Variants in FBXO25 observed in about 807,000 individuals in gnomAD.
FBXO25 encodes the protein F-box protein 25, also known as F-box only protein 25.
Under a neutral mutation model 51.9 loss-of-function variants are expected in FBXO25, and 45 were observed. That is an observed-to-expected ratio of 0.87 (90% CI 0.68 to 1.11). The LOEUF is 1.11. FBXO25 is among the 50% of genes most tolerant of loss of function. The probability of loss-of-function intolerance (pLI) is 0.00; values close to 1 mark genes in which losing one functional copy is unlikely to be tolerated. For missense variants in FBXO25, 507 were observed against 428.5 expected, an observed-to-expected ratio of 1.18 and a Z score of -1.62; for synonymous variants, 199 against 151.0, an observed-to-expected ratio of 1.32 and a Z score of -2.33.
chr8:457,655 A>G (rs577444642), intron 7 of FBXO25, among the ~76,000 whole-genome samples: 4 of 152,218 alleles, frequency 2.6e-5, no homozygotes, highest in Non-Finnish European at 4.4e-5. Flanking sequence ...CTTTACTTCA[A>G]ATTTGCTAAG....
At chr8:412,065 C>A (rs1183370117) in intron 1 of FBXO25, among the ~76,000 whole-genome samples, 1 of 152,220 alleles carries the variant, frequency 6.6e-6, no homozygotes, top group Non-Finnish European at 1.5e-5. Flanking sequence ...GTGGGAAGAA[C>A]TAGCATTTGA....
chr8:410,372 C>T (rs1360057493), intron 1 of FBXO25, among the ~76,000 whole-genome samples: 8 of 151,814 alleles, frequency 5.3e-5, no homozygotes, highest in Non-Finnish European at 1.0e-4. Flanking sequence ...AAATGTTTGT[C>T]GTTGAAGTAA....
In FBXO25 at chr8:468,931, C is replaced by A; in HGVS notation, c.*127C>A. Reference sequence around the variant, plus strand: ...CTGCTTCCAGAAAGCCTGGGAAGAACTGCCCTTCTGCAAAGGGGGGACTGC... The same window carrying A: ...CTGCTTCCAGAAAGCCTGGGAAGAAATGCCCTTCTGCAAAGGGGGGACTGC... On this transcript the variant is annotated 3_prime_UTR_variant, in exon 10 of 10. Coordinates refer to ENST00000350302, the MANE Select transcript of FBXO25 (RefSeq NM_183420.2). The A allele has an allele frequency of 2.5e-6, 2 of 805,444 alleles. No homozygotes were observed. Among genetic ancestry groups the A allele is most frequent in the Non-Finnish European group, 3.8e-6 (2 of 521,690 alleles). 49.9% of individuals were successfully genotyped at this position (805,444 alleles called of 1,614,324 possible). A position where few individuals can be genotyped will look rare whatever the true frequency, so the allele number is the denominator to read the frequency against.
chr8:413,542 A>T (rs1176756085), intron 2 of FBXO25, among the ~76,000 whole-genome samples: 1 of 152,190 alleles, frequency 6.6e-6, no homozygotes, highest in Non-Finnish European at 1.5e-5. Flanking sequence ...GAAATGTAGT[A>T]ATAGTGGCTT....
Position 471,374 on chromosome 8 carries a change from A to G in FBXO25, c.*2570A>G, listed in dbSNP as rs1443638568. On this transcript the variant is annotated 3_prime_UTR_variant, in exon 10 of 10. Coordinates refer to ENST00000350302, the MANE Select transcript of FBXO25 (RefSeq NM_183420.2). ...GATCGGACAACACCAAACAGAGATG[A>G]GAAGAGAAATCATAGATCTCCACTT... 1 of 151,078 alleles carries G rather than the reference A, an allele frequency of 6.6e-6. No individual in the cohort carries two copies. Among genetic ancestry groups the G allele is most frequent in the African/African-American group, 2.4e-5 (1 of 41,196 alleles). The allele number at this position is 151,078 out of a possible 1,614,324, so 9.4% of individuals were successfully genotyped here.
Position 468,733 on chromosome 8 carries a change from A to T in FBXO25, c.1006A>T (p.Thr336Ser). 2 of 1,613,812 alleles carry T rather than the reference A, an allele frequency of 1.2e-6. No homozygotes were observed. The highest frequency in any genetic ancestry group is 2.2e-5 in the South Asian group (2 of 91,062). ...LFWKDSGHPC[T>S]AADPDSCFTP... ...CCCACAGGACTCAGGACACCCCTGC[A>T]CGGCGGCCGACCCTGACAGCTGCTT... The change falls in exon 10 of 10, where the codon ACG (threonine) becomes TCG (serine). Residue 336 changes from threonine to serine, a missense_variant. Coordinates refer to ENST00000350302, the MANE Select transcript of FBXO25 (RefSeq NM_183420.2).
intron 2 of FBXO25, among the ~76,000 whole-genome samples, chr8:415,130 C>T (rs538907249): frequency 1.3e-5 from 2 of 152,330 alleles, no homozygotes; most frequent in South Asian, 4.1e-4. Flanking sequence ...CTTTGAGAAA[C>T]ATAGTACTCC....
At chr8:427,300 T>A (rs2117573242) in intron 2 of FBXO25, among the ~76,000 whole-genome samples, 1 of 151,838 alleles carries the variant, frequency 6.6e-6, no homozygotes, top group East Asian at 1.9e-4. Context: ...GAGGCCAGGG[T>A]GGGAATTATC....
rs752928065 is a variant in FBXO25, at chr8:474,922, C to T, written c.*6118C>T. The T allele has an allele frequency of 6.6e-6, 3 of 451,440 alleles. No individual in the cohort carries two copies. The highest frequency in any genetic ancestry group is 4.4e-6 in the Non-Finnish European group (1 of 226,064). The allele number at this position is 451,440 out of a possible 1,614,324, so 28.0% of individuals were successfully genotyped here. The stretch of plus-strand genomic sequence containing the variant: ...TTTTCAGATATATCATTTTAAAATA[C>T]TTTGTCCCATTCCGTGGATTGCCTT... On this transcript the variant is annotated 3_prime_UTR_variant, in exon 10 of 10. Transcript: ENST00000350302.
intron 1 of FBXO25, among the ~76,000 whole-genome samples, chr8:411,132 A>G (rs561599651): frequency 1.3e-4 from 20 of 152,334 alleles, no homozygotes; most frequent in Admixed American, 1.2e-3. Context: ...TAAATATTCT[A>G]TATTATAAAA....
In FBXO25 at chr8:472,094, C is replaced by G. The variant is rs1482044369; in HGVS notation, c.*3290C>G. 2 of 152,174 alleles carry G rather than the reference C, an allele frequency of 1.3e-5. No individual in the cohort carries two copies. The highest frequency in any genetic ancestry group is 2.4e-5 in the African/African-American group (1 of 41,434). 9.4% of individuals were successfully genotyped at this position (152,174 alleles called of 1,614,324 possible). ...TACCCCGTTTCGCTGGCTAGAATCT[C>G]TAGTACAATGTTGAATAGCAGTGCG... On this transcript the variant is annotated 3_prime_UTR_variant, in exon 10 of 10. Transcript: ENST00000350302.
chr8:446,423 A>G (rs1225271659), intron 5 of FBXO25, among the ~76,000 whole-genome samples: 1 of 152,214 alleles, frequency 6.6e-6, no homozygotes, highest in Non-Finnish European at 1.5e-5. Context: ...TTGGTTATTA[A>G]GCAGTGCTTA....
At position 458,237 on chromosome 8, in the gene FBXO25, C is replaced by G. The variant is rs908106520; in HGVS notation, c.661-132C>G. 1.4e-5 allele frequency: 14 copies of G among 1,012,820 alleles called. No individual in the cohort carries two copies. In the East Asian group the frequency reaches 3.0e-4, roughly 22 times the overall value. The allele number at this position is 1,012,820 out of a possible 1,614,324, so 62.7% of individuals were successfully genotyped here. A position where few individuals can be genotyped will look rare whatever the true frequency, so the allele number is the denominator to read the frequency against. On this transcript the variant is annotated intron_variant, in intron 7 of 9. Coordinates refer to ENST00000350302, the MANE Select transcript of FBXO25 (RefSeq NM_183420.2). ...TGGATGCAGGCCCCTTGACACCTTG[C>G]GACGCATGACATGGAGAGCTCTTTT...
rs1437824657 is a variant in FBXO25 at position 472,714 on chromosome 8, C to G, written c.*3910C>G. On this transcript the variant is annotated 3_prime_UTR_variant, in exon 10 of 10. Coordinates refer to ENST00000350302, the MANE Select transcript of FBXO25 (RefSeq NM_183420.2). The stretch of plus-strand genomic sequence containing the variant: ...TCAATTATCCTTTAAGAGGATAAGA[C>G]CATTTTCTCCAGAGATGCCTTTTAA... 1 of 152,234 alleles carries G rather than the reference C, an allele frequency of 6.6e-6. No homozygotes were observed. Among genetic ancestry groups the G allele is most frequent in the Non-Finnish European group, 1.5e-5 (1 of 68,038 alleles). 9.4% of individuals were successfully genotyped at this position (152,234 alleles called of 1,614,324 possible).
At chr8:424,664 A>G (rs1012995092) in intron 2 of FBXO25, among the ~76,000 whole-genome samples, 3 of 152,148 alleles carry the variant, frequency 2.0e-5, no homozygotes, top group Non-Finnish European at 2.9e-5. Flanking sequence ...CAAAGATTGA[A>G]TGGTTGTAGG....
At position 422,528 on chromosome 8, in the gene FBXO25, G is replaced by A. The variant is rs1208525553; in HGVS notation, c.135-8813G>A. The stretch of plus-strand genomic sequence containing the variant: ...GGCCTGGCAAAACAACAAAGCCTGT[G>A]GTTGAGCTGGGAGTACCATGCCAGA... On this transcript the variant is annotated intron_variant, in intron 2 of 9. Coordinates refer to ENST00000350302, the MANE Select transcript of FBXO25 (RefSeq NM_183420.2). Among the ~76,000 whole-genome samples the A allele has an allele frequency of 2.6e-5, 4 of 152,134 alleles. 1 individual carries two copies. The highest frequency in any genetic ancestry group is 1.3e-4 in the Admixed American group (2 of 15,274).
rs1470635617 is a variant in FBXO25 at position 474,623 on chromosome 8, T to C, written c.*5819T>C. ...GAGATTTTGATTTGCATTTCCGTAA[T>C]GACTGGTGATGCTGAGTATCTGTTT... On this transcript the variant is annotated 3_prime_UTR_variant, in exon 10 of 10. Transcript: ENST00000350302. 1.4e-5 allele frequency: 6 copies of C among 415,782 alleles called. No homozygotes were observed. Among genetic ancestry groups the C allele is most frequent in the Non-Finnish European group, 2.8e-5 (6 of 211,466 alleles). 25.8% of individuals were successfully genotyped at this position (415,782 alleles called of 1,614,324 possible).
chr8:458,045 C>T (rs148235149), intron 7 of FBXO25, among the ~76,000 whole-genome samples: 8 of 152,336 alleles, frequency 5.3e-5, no homozygotes, highest in Non-Finnish European at 1.2e-4. Context: ...AGACGCTGCC[C>T]TTCTCCAGGT....
chr8:438,370 A>G (rs1057088840), intron 5 of FBXO25, among the ~76,000 whole-genome samples: 21 of 152,192 alleles, frequency 1.4e-4, no homozygotes, highest in African/African-American at 4.6e-4. Context: ...GTATCTTTCA[A>G]CTAATGTTTT....
Sources: allele counts gnomAD v4.1 joint callset (sites outside exome capture counted in the v4.1 genomes callset), GRCh38; gene constraint gnomAD v4.1.1; transcripts MANE v1.5; gene names NCBI Gene and HGNC (gene_info 2026-07-23, HGNC 2026-07-21).